Variants in ROCK2 observed in about 807,000 individuals in gnomAD.
The protein encoded by ROCK2 is rho-associated protein kinase 2.
Under a neutral mutation model 195.1 loss-of-function variants are expected in ROCK2, and 61 were observed. That is an observed-to-expected ratio of 0.31 (90% CI 0.25 to 0.39). The LOEUF (loss-of-function observed/expected upper bound fraction) is 0.39. Ranked by LOEUF, ROCK2 falls within the 10% of genes least tolerant of loss-of-function variation. The pLI, the probability that ROCK2 is intolerant of heterozygous loss-of-function variation, is 1.00. For missense variants in ROCK2, 1,109 were observed against 1,637.4 expected (o/e 0.68, Z 5.57); for synonymous variants, 504 against 545.5 (o/e 0.92, Z 1.06).
intron 5 of ROCK2, among the ~76,000 whole-genome samples, chr2:11,230,464 T>C (rs1048312088): frequency 2.0e-5 from 3 of 152,164 alleles, no homozygotes; most frequent in Non-Finnish European, 4.4e-5. Context: ...TATATCATAG[T>C]ACAGAAAGAA....
chr2:11,217,238 CAAT>C, intron 11 of ROCK2, 69 bp from the exon 12 acceptor site: 1 of 793,554 alleles, frequency 1.3e-6, no homozygotes, highest in Non-Finnish European at 2.3e-6. Flanking sequence ...TTAAAGAAAA[CAAT>C]GATAAGCTTA....
chr2:11,186,676 T>G (rs1285472418), intron 32 of ROCK2, among the ~76,000 whole-genome samples: 1 of 152,062 alleles, frequency 6.6e-6, no homozygotes, highest in Non-Finnish European at 1.5e-5. Context: ...ACTTTCTCTC[T>G]AGTGTCACAT....
intron 3 of ROCK2, among the ~76,000 whole-genome samples, chr2:11,252,946 A>ATAAT (rs1665888910): frequency 1.1e-5 from 1 of 89,566 alleles, no homozygotes; most frequent in Non-Finnish European, 2.3e-5. Context: ...AAGTATAATA[A>ATAAT]TAATAATAAT....
intron 3 of ROCK2, among the ~76,000 whole-genome samples, chr2:11,255,230 A>C (rs1259408895): frequency 2.0e-5 from 3 of 150,090 alleles, no homozygotes; most frequent in Admixed American, 6.6e-5. Flanking sequence ...AAAAAAAAAA[A>C]AAAAAAACTT....
At chr2:11,268,991 A>C (rs6710031) in intron 3 of ROCK2, among the ~76,000 whole-genome samples, 122,813 of 152,102 alleles carry the variant, frequency 0.81, 51,211 homozygotes, top group East Asian at 0.99. Flanking sequence ...TCTTCATTTT[A>C]CTATATACAA....
At chr2:11,239,169 G>A (rs1665335623) in intron 4 of ROCK2, among the ~76,000 whole-genome samples, 1 of 151,904 alleles carries the variant, frequency 6.6e-6, no homozygotes, top group African/African-American at 2.4e-5. Context: ...AGGTTTCTTA[G>A]ATATAACACC....
intron 19 of ROCK2, 112 bp downstream of exon 19, chr2:11,208,175 T>G: frequency 1.6e-6 from 1 of 612,196 alleles, no homozygotes; most frequent in Non-Finnish European, 2.4e-6. Flanking sequence ...ACCAACAGGT[T>G]GCAGACTATT....
chr2:11,197,924 G>C lies in ROCK2; in HGVS notation c.3100-219C>G, dbSNP rs1663701083. Reference sequence around the variant, plus strand: ...AATGAGCCATTAGATTTTTACTCGTGTTTTCTGAGAATTATAATTTAAATA... The same window carrying C: ...AATGAGCCATTAGATTTTTACTCGTCTTTTCTGAGAATTATAATTTAAATA... On this transcript the variant is annotated intron_variant, in intron 25 of 32. Transcript: ENST00000315872. This position sits in a 1 kb window ranked among gnomAD's most constrained non-coding sequence, Gnocchi z 4.9. Among the ~76,000 whole-genome samples the C allele has an allele frequency of 1.3e-5, 2 of 152,082 alleles. No individual in the cohort carries two copies. The highest frequency in any genetic ancestry group is 6.6e-5 in the Admixed American group (1 of 15,260).
intron 4 of ROCK2, among the ~76,000 whole-genome samples, chr2:11,247,766 T>A (rs1222125620): frequency 2.0e-5 from 3 of 152,222 alleles, no homozygotes; most frequent in Admixed American, 6.5e-5. Context: ...ATGCCTGTAA[T>A]CCCAGCACTT....
chr2:11,289,216 G>A (rs1667289255), intron 1 of ROCK2, among the ~76,000 whole-genome samples: 1 of 152,058 alleles, frequency 6.6e-6, no homozygotes, highest in Non-Finnish European at 1.5e-5. Flanking sequence ...AGCTGGGATT[G>A]TTAAATTCAC....
At chr2:11,284,479 T>C (rs1217508185) in intron 3 of ROCK2, among the ~76,000 whole-genome samples, 1 of 152,164 alleles carries the variant, frequency 6.6e-6, no homozygotes, top group African/African-American at 2.4e-5. Flanking sequence ...GAAGTGTCTA[T>C]GCACACGTTG....
intron 30 of ROCK2, among the ~76,000 whole-genome samples, chr2:11,193,356 A>G (rs1663505123): frequency 6.6e-6 from 1 of 152,148 alleles, no homozygotes; most frequent in South Asian, 2.1e-4. Context: ...TAAAGGGAAG[A>G]ATGTGGCTTC....
chr2:11,222,005 CTTG>C (rs887700189), intron 8 of ROCK2, 75 bp downstream of exon 8: 16 of 821,570 alleles, frequency 1.9e-5, no homozygotes, highest in African/African-American at 5.0e-5. Flanking sequence ...ATCAAATATG[CTTG>C]TTATTTCAAA....
chr2:11,260,602 C>A (rs142630781), intron 3 of ROCK2, among the ~76,000 whole-genome samples: 1 of 152,186 alleles, frequency 6.6e-6, no homozygotes, highest in African/African-American at 2.4e-5. Context: ...ACATTAAGAG[C>A]CAATTTTAAT....
At chr2:11,270,040 T>G (rs1465436703) in intron 3 of ROCK2, among the ~76,000 whole-genome samples, 1 of 152,060 alleles carries the variant, frequency 6.6e-6, no homozygotes, top group East Asian at 1.9e-4. Flanking sequence ...ACGTATGAGC[T>G]ACTGCACCCA....
At position 11,219,880 on chromosome 2, in the gene ROCK2, T is replaced by TA. The variant is rs1558302838; in HGVS notation, c.1260-855dup. On this transcript the variant is annotated intron_variant, in intron 9 of 32. Coordinates refer to ENST00000315872, the MANE Select transcript of ROCK2 (RefSeq NM_004850.5). ...AACTCACTTTTTTTTTTTTTTTTTTTAAGACATGGTCTCATTCTGTCGCCC... is the reference window on the plus strand; with the variant it reads ...AACTCACTTTTTTTTTTTTTTTTTTTAAAGACATGGTCTCATTCTGTCGCCC... 3.3e-5 allele frequency among the ~76,000 whole-genome samples: 5 copies of TA among 150,916 alleles called. 1 individual carries two copies. The South Asian group carries it at 6.3e-4, about 19-fold the overall frequency.
chr2:11,274,902 C>A, intron 3 of ROCK2, among the ~76,000 whole-genome samples: 1 of 152,194 alleles, frequency 6.6e-6, no homozygotes, highest in South Asian at 2.1e-4. Flanking sequence ...ATGTTTTTTC[C>A]TATACATACA....
At chr2:11,329,513 A>G (rs1364879229) in intron 1 of ROCK2, among the ~76,000 whole-genome samples, 8 of 151,212 alleles carry the variant, frequency 5.3e-5, no homozygotes, top group Non-Finnish European at 1.2e-4. Context: ...TCACTGTTAT[A>G]TTTTATGACT....
intron 4 of ROCK2, among the ~76,000 whole-genome samples, chr2:11,248,576 G>A (rs1193384582): frequency 6.6e-6 from 1 of 151,638 alleles, no homozygotes; most frequent in Non-Finnish European, 1.5e-5. Flanking sequence ...AGGCATGGTG[G>A]CAGATGCCTG....
Sources: allele counts gnomAD v4.1 joint callset (sites outside exome capture counted in the v4.1 genomes callset), GRCh38; gene constraint gnomAD v4.1.1; non-coding constraint Gnocchi (gnomAD v3.1); transcripts MANE v1.5; gene names NCBI Gene and HGNC (gene_info 2026-07-23, HGNC 2026-07-21).